CKAP4: variants seen among roughly 807,000 people sequenced by gnomAD.
CKAP4 encodes cytoskeleton associated protein 4.
A neutral mutation model predicts 24.4 loss-of-function variants in CKAP4; 20 were observed. The observed-to-expected ratio is 0.82, with a 90% CI of 0.58 to 1.19. The LOEUF is 1.19. Ranked by LOEUF, CKAP4 falls within the 50% of genes most tolerant of loss-of-function variation. The probability of loss-of-function intolerance (pLI) is 0.00; values close to 1 mark genes in which losing one functional copy is unlikely to be tolerated. For missense variants in CKAP4, 744 were observed against 765.3 expected (o/e 0.97, Z 0.33); for synonymous variants, 378 against 351.7 (o/e 1.07, Z -0.84).
chr12:106,239,024 T>C lies in CKAP4; in HGVS notation c.1809A>G (p.Ter603=), dbSNP rs2033939171. The C allele has an allele frequency of 6.2e-7, 1 of 1,612,800 alleles. No individual in the cohort carries two copies. The highest frequency in any genetic ancestry group is 2.2e-5 in the East Asian group (1 of 44,832). ...VKVEKIHEKV[*] ...TCCGCGCCCTGCACACGCAATTCAT[T>C]TAGACCTTTTCGTGAATCTTCTCCA... The change falls in exon 2 of 2, where the codon TAA becomes TAG. Residue 603 remains the stop codon, a stop_retained_variant. Transcript: ENST00000378026. The surrounding 1 kb of genome is among the most constrained non-coding windows in gnomAD (Gnocchi z 4.9).
At position 106,239,434 on chromosome 12, in the gene CKAP4, C is replaced by T. The variant is rs1169642453; in HGVS notation, c.1399G>A (p.Gly467Ser). Residue 467 changes from glycine (G) to serine (S), a missense_variant, in exon 2 of 2, where the codon GGC (glycine) becomes AGC (serine). By Grantham distance (56) the Gly-to-Ser change is moderately conservative. This residue lies in a region of CKAP4 where 401 missense variants were observed against 424.5 expected (regional missense o/e 0.94). Transcript: ENST00000378026. This position sits in a 1 kb window ranked among gnomAD's most constrained non-coding sequence, Gnocchi z 4.9. ...GLGSSEADQD[G>S]LASTVRSLGE... Reference sequence around the variant, plus strand: ...AGGCTCCTCACCGTGCTGGCCAGGCCATCCTGGTCTGCCTCTGAGGACCCG... The same window carrying T: ...AGGCTCCTCACCGTGCTGGCCAGGCTATCCTGGTCTGCCTCTGAGGACCCG... 6.2e-7 allele frequency: 1 copy of T among 1,601,974 alleles called. No individual in the cohort carries two copies. Among genetic ancestry groups the T allele is most frequent in the Non-Finnish European group, 8.5e-7 (1 of 1,179,330 alleles).
Position 106,247,719 on chromosome 12 carries a change from G to GCGGCTGCTGCGGCGC in CKAP4, c.132_133insGCGCCGCAGCAGCCG (p.Pro44_Pro45insAlaProGlnGlnPro), listed in dbSNP as rs1181239894. The GCGGCTGCTGCGGCGC allele has an allele frequency of 9.6e-7, 1 of 1,044,600 alleles. No homozygotes were observed. The highest frequency in any genetic ancestry group is 1.1e-6 in the Non-Finnish European group (1 of 874,210). The allele number at this position is 1,044,600 out of a possible 1,614,324, so 64.7% of individuals were successfully genotyped here. The stretch of plus-strand genomic sequence containing the variant: ...TGCTGCGGGTGCGGCGCGGGCGGCG[G>GCGGCTGCTGCGGCGC]CGGCGGCTGCTGCGGCGCCGGCGGC... On this transcript the variant is annotated inframe_insertion, in exon 1 of 2. Coordinates refer to ENST00000378026, the MANE Select transcript of CKAP4 (RefSeq NM_006825.4). This position sits in a 1 kb window ranked among gnomAD's most constrained non-coding sequence, Gnocchi z 4.5.
Position 106,239,515 on chromosome 12 carries a change from T to C in CKAP4, c.1318A>G (p.Lys440Glu), listed in dbSNP as rs953874880. The C allele has an allele frequency of 3.7e-6, 6 of 1,609,624 alleles. No individual in the cohort carries two copies. Among genetic ancestry groups the C allele is most frequent in the Non-Finnish European group, 4.2e-6 (5 of 1,179,244 alleles). The change falls in exon 2 of 2, where the codon AAG becomes GAG. Residue 440 changes from lysine to glutamate, a missense_variant. Physicochemically the swap from Lys to Glu is moderately conservative, Grantham distance 56. Transcript: ENST00000378026. The surrounding 1 kb of genome is among the most constrained non-coding windows in gnomAD (Gnocchi z 4.9). ...AGGCGCTGCTCGTGCTCCTGGCTCT[T>C]GGACAGGAGGGACTCCAGGCTCTCG... ...QTESLESLLS[K>E]SQEHEQRLAA...
At position 106,239,699 on chromosome 12, in the gene CKAP4, G is replaced by A. The variant is rs991740988; in HGVS notation, c.1134C>T (p.Arg378=). 7 of 1,613,980 alleles carry A rather than the reference G, an allele frequency of 4.3e-6. No homozygotes were observed. The African/African-American group carries it at 9.3e-5, about 22-fold the overall frequency. Residue 378 remains arginine, a synonymous_variant, in exon 2 of 2, where the codon CGC becomes CGT. Transcript: ENST00000378026. This position sits in a 1 kb window ranked among gnomAD's most constrained non-coding sequence, Gnocchi z 4.9. Reference sequence around the variant, plus strand: ...GCCCGTGGGAATCGGACTTCAGCTGGCGGAGCTCTTCCTCCAGTCTCCGGA... The same window carrying A: ...GCCCGTGGGAATCGGACTTCAGCTGACGGAGCTCTTCCTCCAGTCTCCGGA... ...EEIRRLEEEL[R]QLKSDSHGPK... is the part of the protein sequence containing the mutation.
intron 1 of CKAP4, among the ~76,000 whole-genome samples, chr12:106,241,062 G>C (rs970095987): frequency 1.3e-5 from 2 of 152,150 alleles, no homozygotes; most frequent in African/African-American, 4.8e-5. Flanking sequence ...CTGGGCAACA[G>C]AGTGAGGTTC....
chr12:106,244,364 TGG>T (rs941623338), intron 1 of CKAP4, among the ~76,000 whole-genome samples: 5 of 152,252 alleles, frequency 3.3e-5, no homozygotes, highest in Non-Finnish European at 7.3e-5. Flanking sequence ...ACTTACCTCT[TGG>T]GGTTGTTGTG....
Position 106,240,424 on chromosome 12 carries a change from C to G in CKAP4, c.484-75G>C. 3 of 1,495,028 alleles carry G rather than the reference C, an allele frequency of 2.0e-6. No individual in the cohort carries two copies. In the East Asian group the frequency reaches 6.8e-5, roughly 34 times the overall value. 92.6% of individuals were successfully genotyped at this position (1,495,028 alleles called of 1,614,324 possible). Reference sequence around the variant, plus strand: ...ACATGATACAACTTTTTTTGTCTGCCCAGCCTCCAGGTCCTGTTTTTTTCC... The same window carrying G: ...ACATGATACAACTTTTTTTGTCTGCGCAGCCTCCAGGTCCTGTTTTTTTCC... On this transcript the variant is annotated intron_variant, in intron 1 of 1. Transcript: ENST00000378026.
chr12:106,246,986 C>G (rs1461888985), intron 1 of CKAP4: 1 of 177,714 alleles, frequency 5.6e-6, no homozygotes, highest in Non-Finnish European at 1.2e-5. Flanking sequence ...CCTTTTCAGA[C>G]AGCTCTGCCC....
chr12:106,239,151 A>C lies in CKAP4; in HGVS notation c.1682T>G (p.Val561Gly). Reference sequence around the variant, plus strand: ...GGTTTCTATTTTGACCGAGTATGCAACCAAACTGTCCACAGCAGTCCTGAG... The same window carrying C: ...GGTTTCTATTTTGACCGAGTATGCACCCAAACTGTCCACAGCAGTCCTGAG... ...KMLRTAVDSLVAYSVKIETNE... is the reference protein window; with the variant it reads ...KMLRTAVDSLGAYSVKIETNE... Residue 561 changes from valine to glycine, a missense_variant, in exon 2 of 2, where the codon GTT (valine) becomes GGT (glycine). Coordinates refer to ENST00000378026, the MANE Select transcript of CKAP4 (RefSeq NM_006825.4). The surrounding 1 kb of genome is among the most constrained non-coding windows in gnomAD (Gnocchi z 4.9). 6.2e-7 allele frequency: 1 copy of C among 1,614,114 alleles called. No homozygotes were observed. Among genetic ancestry groups the C allele is most frequent in the Non-Finnish European group, 8.5e-7 (1 of 1,180,042 alleles).
In CKAP4 at chr12:106,239,521, G is replaced by A. The variant is rs766296929; in HGVS notation, c.1312C>T (p.Leu438=). The A allele has an allele frequency of 5.0e-6, 8 of 1,610,168 alleles. No individual in the cohort carries two copies. The Admixed American group carries it at 8.3e-5, about 17-fold the overall frequency. ...TGCTCGTGCTCCTGGCTCTTGGACA[G>A]GAGGGACTCCAGGCTCTCGGTCTGG... The part of the protein sequence containing the change: ...ARQTESLESL[L]SKSQEHEQRL... Residue 438 remains leucine (L), a synonymous_variant, in exon 2 of 2, where the codon CTG becomes TTG. Coordinates refer to ENST00000378026, the MANE Select transcript of CKAP4 (RefSeq NM_006825.4). The surrounding 1 kb of genome is among the most constrained non-coding windows in gnomAD (Gnocchi z 4.9).
At position 106,239,575 on chromosome 12, in the gene CKAP4, C is replaced by T; in HGVS notation, c.1258G>A (p.Val420Met). 1.2e-6 allele frequency: 2 copies of T among 1,613,964 alleles called. No homozygotes were observed. The highest frequency in any genetic ancestry group is 1.7e-6 in the Non-Finnish European group (2 of 1,180,008). ...DSRLQHVEDG[V>M]LSMQVASARQ... is the part of the protein sequence containing the mutation. ...GCAGAAGCCACCTGCATGGAGAGCACCCCATCCTCCACGTGCTGGAGCCTG... is the reference window on the plus strand; with the variant it reads ...GCAGAAGCCACCTGCATGGAGAGCATCCCATCCTCCACGTGCTGGAGCCTG... Residue 420 changes from valine to methionine, a missense_variant, in exon 2 of 2, where the codon GTG becomes ATG. Val to Met is a conservative substitution (Grantham distance 21). Around this residue, in one of 3 missense-constraint regions of CKAP4, gnomAD observed 401 missense variants for 424.5 expected, o/e 0.94. Coordinates refer to ENST00000378026, the MANE Select transcript of CKAP4 (RefSeq NM_006825.4). The surrounding 1 kb of genome is among the most constrained non-coding windows in gnomAD (Gnocchi z 4.9).
Position 106,247,763 on chromosome 12 carries a change from T to C in CKAP4, c.89A>G (p.Asp30Gly). The C allele has an allele frequency of 9.5e-7, 1 of 1,052,026 alleles. No homozygotes were observed. Among genetic ancestry groups the C allele is most frequent in the Non-Finnish European group, 1.1e-6 (1 of 879,006 alleles). The allele number at this position is 1,052,026 out of a possible 1,614,324, so 65.2% of individuals were successfully genotyped here. A position where few individuals can be genotyped will look rare whatever the true frequency, so the allele number is the denominator to read the frequency against. The change falls in exon 1 of 2, where the codon GAT (aspartate) becomes GGT (glycine). Residue 30 changes from aspartate (D) to glycine (G), a missense_variant. Physicochemically the swap from Asp to Gly is moderately conservative, Grantham distance 94 (BLOSUM62 -1). Around this residue, in one of 3 missense-constraint regions of CKAP4, gnomAD observed 300 missense variants for 264.5 expected, o/e 1.13. Coordinates refer to ENST00000378026, the MANE Select transcript of CKAP4 (RefSeq NM_006825.4). This position sits in a 1 kb window ranked among gnomAD's most constrained non-coding sequence, Gnocchi z 4.5. Reference protein sequence around the residue: ...EKGAHPSGGADDVAKKPPPAP... With the variant: ...EKGAHPSGGAGDVAKKPPPAP... ...CGGCGGCGGCTTCTTCGCCACGTCA[T>C]CCGCGCCGCCCGACGGGTGGGCACC... is the stretch of plus-strand genomic sequence containing the variant.
At chr12:106,240,401 A>G (rs2033960149) in intron 1 of CKAP4, 52 bp from the exon 2 acceptor site, 2 of 1,549,150 alleles carry the variant, frequency 1.3e-6, no homozygotes, top group Non-Finnish European at 1.7e-6. Flanking sequence ...TGAGTTTCAC[A>G]TGATACAACT....
chr12:106,240,444 T>C lies in CKAP4; in HGVS notation c.484-95A>G, dbSNP rs140083734. ...TCTGCCCAGCCTCCAGGTCCTGTTTTTTTCCAGAATGTCACCACAATTTTC... is the reference window on the plus strand; with the variant it reads ...TCTGCCCAGCCTCCAGGTCCTGTTTCTTTCCAGAATGTCACCACAATTTTC... On this transcript the variant is annotated intron_variant, in intron 1 of 1. Coordinates refer to ENST00000378026, the MANE Select transcript of CKAP4 (RefSeq NM_006825.4). The C allele has an allele frequency of 4.4e-6, 6 of 1,372,498 alleles. No homozygotes were observed. In the East Asian group the frequency reaches 1.2e-4, roughly 26 times the overall value. 85.0% of individuals were successfully genotyped at this position (1,372,498 alleles called of 1,614,324 possible).
rs1565950450 is a variant in CKAP4, at chr12:106,247,926, G to A, written c.-75C>T. The A allele has an allele frequency of 2.2e-6, 2 of 905,584 alleles. No individual in the cohort carries two copies. Among genetic ancestry groups the A allele is most frequent in the Non-Finnish European group, 2.7e-6 (2 of 752,588 alleles). The allele number at this position is 905,584 out of a possible 1,614,324, so 56.1% of individuals were successfully genotyped here. A position where few individuals can be genotyped will look rare whatever the true frequency, so the allele number is the denominator to read the frequency against. ...GGCGCGCGGCCCGGGAAACTTGCAGGGGCTCCCCCGGGACTGGGCGAGCGG... is the reference window on the plus strand; with the variant it reads ...GGCGCGCGGCCCGGGAAACTTGCAGAGGCTCCCCCGGGACTGGGCGAGCGG... On this transcript the variant is annotated 5_prime_UTR_variant, in exon 1 of 2. Coordinates refer to ENST00000378026, the MANE Select transcript of CKAP4 (RefSeq NM_006825.4). This position sits in a 1 kb window ranked among gnomAD's most constrained non-coding sequence, Gnocchi z 4.5.
At position 106,239,691 on chromosome 12, in the gene CKAP4, T is replaced by C. The variant is rs2033951000; in HGVS notation, c.1142A>G (p.Lys381Arg). Residue 381 changes from lysine to arginine, a missense_variant, in exon 2 of 2, where the codon AAG becomes AGG. This residue lies in a region of CKAP4 where 401 missense variants were observed against 424.5 expected (regional missense o/e 0.94). Coordinates refer to ENST00000378026, the MANE Select transcript of CKAP4 (RefSeq NM_006825.4). The surrounding 1 kb of genome is among the most constrained non-coding windows in gnomAD (Gnocchi z 4.9). ...CTCCTTCGGCCCGTGGGAATCGGACTTCAGCTGGCGGAGCTCTTCCTCCAG... is the reference window on the plus strand; with the variant it reads ...CTCCTTCGGCCCGTGGGAATCGGACCTCAGCTGGCGGAGCTCTTCCTCCAG... ...RRLEEELRQLKSDSHGPKEDG... is the reference protein window; with the variant it reads ...RRLEEELRQLRSDSHGPKEDG... 1 of 1,614,034 alleles carries C rather than the reference T, an allele frequency of 6.2e-7. No individual in the cohort carries two copies. The highest frequency in any genetic ancestry group is 8.5e-7 in the Non-Finnish European group (1 of 1,180,022).
chr12:106,245,350 TAC>T (rs1198452328), intron 1 of CKAP4, among the ~76,000 whole-genome samples: 1 of 152,126 alleles, frequency 6.6e-6, no homozygotes, highest in East Asian at 1.9e-4. Context: ...CCACAAAGCC[TAC>T]ACAGAGCCAT....
In CKAP4 at chr12:106,247,345, A is replaced by T. The variant is rs761591346; in HGVS notation, c.483+24T>A. Reference sequence around the variant, plus strand: ...TCCGGAGGCCGCAGTCGATGGGGACAGTTGCGGGGCCGGGGGTACCCACCT... The same window carrying T: ...TCCGGAGGCCGCAGTCGATGGGGACTGTTGCGGGGCCGGGGGTACCCACCT... On this transcript the variant is annotated intron_variant, in intron 1 of 1. Coordinates refer to ENST00000378026, the MANE Select transcript of CKAP4 (RefSeq NM_006825.4). This position sits in a 1 kb window ranked among gnomAD's most constrained non-coding sequence, Gnocchi z 4.5. 61 of 1,514,222 alleles carry T rather than the reference A, an allele frequency of 4.0e-5. No homozygotes were observed. Among genetic ancestry groups the T allele is most frequent in the Admixed American group, 6.0e-5 (3 of 49,970 alleles). 93.8% of individuals were successfully genotyped at this position (1,514,222 alleles called of 1,614,324 possible).
chr12:106,247,394 T>C lies in CKAP4; in HGVS notation c.458A>G (p.Gln153Arg). The C allele has an allele frequency of 6.5e-7, 1 of 1,540,796 alleles. No homozygotes were observed. Among genetic ancestry groups the C allele is most frequent in the African/African-American group, 1.4e-5 (1 of 72,380 alleles). Residue 153 changes from glutamine to arginine, a missense_variant, in exon 1 of 2, where the codon CAG (glutamine) becomes CGG (arginine). Gln to Arg is a conservative substitution (Grantham distance 43). Around this residue, in one of 3 missense-constraint regions of CKAP4, gnomAD observed 300 missense variants for 264.5 expected, o/e 1.13. Transcript: ENST00000378026. The surrounding 1 kb of genome is among the most constrained non-coding windows in gnomAD (Gnocchi z 4.5). ...CTTCTGCTCGACGCCCTGCAAGCCC[T>C]GGCCCAGCTCCTCCCTCTGCCGGGA... ...DFSRQREELG[Q>R]GLQGVEQKVQ...
Sources: gnomAD v4.1 joint callset for allele counts (sites outside exome capture counted in the v4.1 genomes callset) on GRCh38, gnomAD v4.1.1 for gene constraint, gnomAD v4.1.1 regional missense constraint, Gnocchi (gnomAD v3.1) non-coding constraint, MANE v1.5 for transcripts, NCBI Gene and HGNC (gene_info 2026-07-23, HGNC 2026-07-21) for gene names.